SPART: variants seen among roughly 807,000 people sequenced by gnomAD.
The protein encoded by SPART is spastic paraplegia 20 (Troyer syndrome).
Under a neutral mutation model 58.7 loss-of-function variants are expected in SPART, and 35 were observed. The observed-to-expected ratio is 0.60, with a 90% CI of 0.46 to 0.79. SPART has a LOEUF of 0.79. Among genes scored for constraint, SPART ranks in the 30% least tolerant of loss-of-function variants. The pLI, the probability that SPART is intolerant of heterozygous loss-of-function variation, is 0.00. For missense variants in SPART, 730 were observed against 786.1 expected, an observed-to-expected ratio of 0.93 and a Z score of 0.85; for synonymous variants, 284 against 280.7, an observed-to-expected ratio of 1.01 and a Z score of -0.12.
rs145911831 is a variant in SPART at position 36,338,211 on chromosome 13, A to G, written c.-2-2379T>C. On this transcript the variant is annotated intron_variant, in intron 1 of 8. Transcript: ENST00000438666. ...ATACATAAAAATCATTAAACTATAC[A>G]TTTAAGATCAGGGTACTATATGCAT... Among the ~76,000 whole-genome samples, 48 of 152,318 alleles carry G rather than the reference A, an allele frequency of 3.2e-4. No homozygotes were observed. In the East Asian group the frequency reaches 8.7e-3, roughly 28 times the overall value.
intron 5 of SPART, among the ~76,000 whole-genome samples, chr13:36,316,821 CCT>C (rs537916203): frequency 8.3e-4 from 126 of 152,278 alleles, no homozygotes; most frequent in African/African-American, 2.9e-3. Context: ...AGATCAATCC[CCT>C]GTCATGTTCT....
At chr13:36,362,572 A>G (rs1021039027) in intron 1 of SPART, among the ~76,000 whole-genome samples, 7 of 152,132 alleles carry the variant, frequency 4.6e-5, no homozygotes, top group African/African-American at 1.4e-4. Context: ...CAGGATGCAG[A>G]ATCCCTCGTT....
intron 5 of SPART, 65 bp from the exon 6 acceptor site, chr13:36,314,486 A>T: frequency 6.9e-7 from 1 of 1,439,256 alleles, no homozygotes; most frequent in Non-Finnish European, 9.8e-7. Flanking sequence ...ACACTTTAAT[A>T]AATAACATCA....
At chr13:36,314,955 G>C (rs1881531277) in intron 5 of SPART, among the ~76,000 whole-genome samples, 2 of 152,212 alleles carry the variant, frequency 1.3e-5, no homozygotes, top group African/African-American at 4.8e-5. Context: ...AGGGGGTCCT[G>C]TTCCTTCCTG....
intron 6 of SPART, 170 bp downstream of exon 6, chr13:36,314,057 G>C: frequency 1.5e-6 from 1 of 658,504 alleles, no homozygotes; most frequent in Non-Finnish European, 2.6e-6. Context: ...ATAGGACGAT[G>C]TGATGTTGCT....
chr13:36,345,199 TA>T (rs771848978), intron 1 of SPART, among the ~76,000 whole-genome samples: 3 of 152,178 alleles, frequency 2.0e-5, no homozygotes, highest in Non-Finnish European at 2.9e-5. Context: ...CCTCCCTCCG[TA>T]GCATCCCGCT....
chr13:36,325,834 C>T (rs1190655015), intron 5 of SPART: 2 of 152,298 alleles, frequency 1.3e-5, no homozygotes, highest in African/African-American at 4.8e-5. Flanking sequence ...TGCTTTGCTT[C>T]CAAAGATGGA....
rs1880064843 is a variant in SPART, at chr13:36,302,310, GT to G, written c.*2054del. On this transcript the variant is annotated 3_prime_UTR_variant, in exon 9 of 9. Transcript: ENST00000438666. Reference sequence around the variant, plus strand: ...CTATCTCCTAATGAGTCAGTGAATGGTGGGAAAAGTCCATTTTCTATAGACT... The same window carrying G: ...CTATCTCCTAATGAGTCAGTGAATGGGGGAAAAGTCCATTTTCTATAGACT... 6.6e-6 allele frequency: 1 copy of G among 152,102 alleles called. No individual in the cohort carries two copies. The highest frequency in any genetic ancestry group is 2.4e-5 in the African/African-American group (1 of 41,426). 9.4% of individuals were successfully genotyped at this position (152,102 alleles called of 1,614,324 possible).
At chr13:36,353,701 G>A (rs1885510349) in intron 1 of SPART, among the ~76,000 whole-genome samples, 1 of 152,194 alleles carries the variant, frequency 6.6e-6, no homozygotes, top group South Asian at 2.1e-4. Context: ...CACCAGAACT[G>A]TAATTAGGAA....
At chr13:36,352,428 T>C (rs7981274) in intron 1 of SPART, among the ~76,000 whole-genome samples, 40,275 of 152,000 alleles carry the variant, frequency 0.26, 5,654 homozygotes, top group East Asian at 0.51. Context: ...TGTAACAGAG[T>C]GGTGGAGTGG....
upstream of SPART, among the ~76,000 whole-genome samples, chr13:36,351,275 C>T (rs186100968): frequency 1.0e-3 from 158 of 151,664 alleles, no homozygotes; most frequent in Non-Finnish European, 1.8e-3. Context: ...TTCAAGACCA[C>T]CCTGGGCAAC....
chr13:36,335,502 ACCTC>A lies in SPART; in HGVS notation c.325_328del (p.Glu109CysfsTer32), dbSNP rs761238006. 6.2e-7 allele frequency: 1 copy of A among 1,614,060 alleles called. No individual in the cohort carries two copies. Among genetic ancestry groups the A allele is most frequent in the Non-Finnish European group, 8.5e-7 (1 of 1,180,016 alleles). ...TGGAAATTCTGGATATAACTTGGGC[ACCTC>A]CTGAAGATCATTCTGCAGAGAAGTG... On this transcript the variant is annotated frameshift_variant, in exon 2 of 9. Transcript: ENST00000438666. LOFTEE classifies it high-confidence loss of function.
At chr13:36,339,814 C>T (rs1358433837) in intron 1 of SPART, among the ~76,000 whole-genome samples, 2 of 152,092 alleles carry the variant, frequency 1.3e-5, no homozygotes, top group Non-Finnish European at 2.9e-5. Context: ...CACCTGTAAT[C>T]CCAGCACTTT....
At chr13:36,306,548 C>A (rs1880526769) in intron 8 of SPART, among the ~76,000 whole-genome samples, 1 of 152,150 alleles carries the variant, frequency 6.6e-6, no homozygotes, top group Non-Finnish European at 1.5e-5. Context: ...CAAACTTCCA[C>A]TTCTGAGAAT....
At chr13:36,349,058 G>A (rs1158557838), upstream of SPART, among the ~76,000 whole-genome samples, 1 of 152,186 alleles carries the variant, frequency 6.6e-6, no homozygotes, top group Admixed American at 6.5e-5. Context: ...GAGGTCGGGA[G>A]TTCGAGACCA....
intron 1 of SPART, chr13:36,368,448 A>T (rs1886150429): frequency 6.5e-6 from 1 of 152,720 alleles, no homozygotes; most frequent in African/African-American, 2.4e-5. Context: ...CCTCCTTATT[A>T]AAAAAAAAAT....
At chr13:36,315,696 G>T (rs1384095605) in intron 5 of SPART, among the ~76,000 whole-genome samples, 1 of 152,142 alleles carries the variant, frequency 6.6e-6, no homozygotes, top group East Asian at 1.9e-4. Flanking sequence ...ACAACAAAAG[G>T]CTTGAAGATG....
At position 36,316,292 on chromosome 13, in the gene SPART, A is replaced by G. The variant is rs60801988; in HGVS notation, c.1289-1871T>C. Among the ~76,000 whole-genome samples, 1,410 of 152,356 alleles carry G rather than the reference A, an allele frequency of 9.3e-3. 22 individuals are homozygous for G. Among genetic ancestry groups the G allele is most frequent in the African/African-American group, 0.032 (1,339 of 41,586 alleles). On this transcript the variant is annotated intron_variant, in intron 5 of 8. Coordinates refer to ENST00000438666, the MANE Select transcript of SPART (RefSeq NM_015087.5). ...TTGTTATTAAAAACAGAAGTCACTGACCAGGTGCAGTGGCTCACGCCTGTA... is the reference window on the plus strand; with the variant it reads ...TTGTTATTAAAAACAGAAGTCACTGGCCAGGTGCAGTGGCTCACGCCTGTA...
chr13:36,317,186 C>T (rs188109597), intron 5 of SPART, among the ~76,000 whole-genome samples: 16 of 152,290 alleles, frequency 1.1e-4, no homozygotes, highest in Admixed American at 7.8e-4. Flanking sequence ...TGTTAGACCA[C>T]GCAGGGATGC....
Sources: allele counts gnomAD v4.1 joint callset (sites outside exome capture counted in the v4.1 genomes callset), GRCh38; gene constraint gnomAD v4.1.1; transcripts MANE v1.5; gene names NCBI Gene and HGNC (gene_info 2026-07-23, HGNC 2026-07-21).